ADSS1: variants seen among roughly 807,000 people sequenced by gnomAD.
ADSS1 encodes adenylosuccinate synthase 1.
A neutral mutation model predicts 59.1 loss-of-function variants in ADSS1; 57 were observed. The observed-to-expected ratio is 0.97, with a 90% CI of 0.78 to 1.20. The LOEUF is 1.20. Ranked by LOEUF, ADSS1 falls within the 50% of genes most tolerant of loss-of-function variation. The pLI is 0.00. For missense variants in ADSS1, 603 were observed against 610.3 expected, an observed-to-expected ratio of 0.99 and a Z score of 0.13; for synonymous variants, 247 against 249.4, an observed-to-expected ratio of 0.99 and a Z score of 0.09.
chr14:104,738,534 G>C, intron 3 of ADSS1, 96 bp downstream of exon 3: 1 of 1,402,804 alleles, frequency 7.1e-7, no homozygotes, highest in South Asian at 1.2e-5. Flanking sequence ...CCACGGAGGG[G>C]ACTGGCAGGG....
chr14:104,730,546 C>T (rs2140756574), intron 1 of ADSS1, among the ~76,000 whole-genome samples: 1 of 152,216 alleles, frequency 6.6e-6, no homozygotes, highest in East Asian at 1.9e-4. Context: ...TTTGGCAGCC[C>T]TGGAGACTAT....
Position 104,746,979 on chromosome 14 carries a change from AGAGTC to A in ADSS1, c.1353_1357del (p.Glu451AspfsTer10). The A allele has an allele frequency of 6.2e-7, 1 of 1,614,114 alleles. No individual in the cohort carries two copies. On this transcript the variant is annotated frameshift_variant, in exon 13 of 13. Transcript: ENST00000330877. LOFTEE classifies it high-confidence loss of function. ...AATGGGTTGGTGTTGGCAAGTCAAG[AGAGTC>A]GATGATCCAGCTGTTTTAGTCACAG... is the stretch of plus-strand genomic sequence containing the variant.
chr14:104,741,006 T>C, intron 7 of ADSS1, 86 bp downstream of exon 7: 1 of 1,606,670 alleles, frequency 6.2e-7, no homozygotes, highest in Non-Finnish European at 8.5e-7. Flanking sequence ...TGAACACCCT[T>C]GGGGCACACC....
rs563641631 is a variant in ADSS1 at position 104,746,246 on chromosome 14, G to T, written c.1182G>T (p.Glu394Asp). ...KRIPYFPANQ[E>D]MLQKVEVEYE... ...GTGTGCTTCCCCCAGCTAACCAGGA[G>T]ATGCTTCAGAAGGTCGAAGTTGAGT... Residue 394 changes from glutamate to aspartate, a missense_variant, in exon 12 of 13, where the codon GAG becomes GAT. Glu to Asp is a conservative substitution (Grantham distance 45). Transcript: ENST00000330877. 1.4e-5 allele frequency: 22 copies of T among 1,608,926 alleles called. No individual in the cohort carries two copies. The Admixed American group carries it at 2.3e-4, about 17-fold the overall frequency.
intron 5 of ADSS1, 99 bp downstream of exon 5, chr14:104,739,915 AC>A: frequency 7.8e-7 from 1 of 1,280,314 alleles, no homozygotes. Flanking sequence ...CGAGGAGGGT[AC>A]CTCAACCCAC....
At chr14:104,738,560 A>G in intron 3 of ADSS1, 122 bp downstream of exon 3, 1 of 1,093,396 alleles carries the variant, frequency 9.1e-7, no homozygotes, top group South Asian at 1.4e-5. Flanking sequence ...TTCCCAACAT[A>G]GCTGGCCCAG....
intron 1 of ADSS1, among the ~76,000 whole-genome samples, chr14:104,729,127 C>T (rs1595194315): frequency 6.6e-6 from 1 of 152,148 alleles, no homozygotes; most frequent in East Asian, 1.9e-4. Flanking sequence ...TCCTTGGGAA[C>T]CCTGGGCCAA....
chr14:104,743,539 G>C (rs1891452488), intron 10 of ADSS1: 1 of 252,404 alleles, frequency 4.0e-6, no homozygotes, highest in South Asian at 5.0e-5. Context: ...GGCAGCATGG[G>C]TGCCGGCCTG....
At chr14:104,738,264 C>T (rs1369446389) in intron 2 of ADSS1, 112 bp from the exon 3 acceptor site, 5 of 1,116,644 alleles carry the variant, frequency 4.5e-6, no homozygotes, top group Non-Finnish European at 6.6e-6. Context: ...TCCCAAAGTG[C>T]TAGGATTACA....
chr14:104,742,534 C>T (rs1891404232), intron 9 of ADSS1, among the ~76,000 whole-genome samples: 1 of 152,250 alleles, frequency 6.6e-6, no homozygotes, highest in Admixed American at 6.5e-5. Flanking sequence ...CCCAGCCTTC[C>T]TCTTTCACCC....
At chr14:104,738,537 T>A in intron 3 of ADSS1, 99 bp downstream of exon 3, 1 of 1,363,090 alleles carries the variant, frequency 7.3e-7, no homozygotes, top group Non-Finnish European at 1.0e-6. Flanking sequence ...CGGAGGGGAC[T>A]GGCAGGGGTG....
At position 104,743,084 on chromosome 14, in the gene ADSS1, G is replaced by C. The variant is rs1381256164; in HGVS notation, c.966G>C (p.Leu322=). 1 of 1,613,060 alleles carries C rather than the reference G, an allele frequency of 6.2e-7. No individual in the cohort carries two copies. Among genetic ancestry groups the C allele is most frequent in the Non-Finnish European group, 8.5e-7 (1 of 1,179,988 alleles). Residue 322 remains leucine, a synonymous_variant, in exon 10 of 13, where the codon CTG becomes CTC. Transcript: ENST00000330877. ...TEQINEIGGL[L]QTRGHEWGVT... is the part of the protein sequence containing the mutation. ...TCATGTAGGAGATTGGAGGCCTGCT[G>C]CAGACCCGCGGCCACGAGTGGGGAG...
At chr14:104,726,942 C>T (rs757014873) in intron 1 of ADSS1, among the ~76,000 whole-genome samples, 10 of 152,226 alleles carry the variant, frequency 6.6e-5, no homozygotes, top group Non-Finnish European at 1.5e-4. Context: ...CCTTCCCTGG[C>T]TGCCCAAGCC....
intron 7 of ADSS1, 28 bp from the exon 8 acceptor site, chr14:104,741,089 C>T (rs367894780): frequency 3.8e-6 from 6 of 1,589,026 alleles, no homozygotes; most frequent in Non-Finnish European, 4.3e-6. Flanking sequence ...GCCACAGGCT[C>T]ACTCTGCTGC....
intron 1 of ADSS1, among the ~76,000 whole-genome samples, chr14:104,725,698 C>T (rs1440927942): frequency 1.3e-5 from 2 of 152,200 alleles, no homozygotes; most frequent in Non-Finnish European, 2.9e-5. Context: ...ACTGCCTCTG[C>T]CCCGCCACCT....
In ADSS1 at chr14:104,735,189, G is replaced by A. The variant is rs181011783; in HGVS notation, c.295+67G>A. The stretch of plus-strand genomic sequence containing the variant: ...GTGTCAGCCAGCCCAGGAGCCCCAC[G>A]CATGGGGGCACGGGGCACCAGAGCC... On this transcript the variant is annotated intron_variant, in intron 2 of 12. Coordinates refer to ENST00000330877, the MANE Select transcript of ADSS1 (RefSeq NM_152328.5). 585 of 1,409,508 alleles carry A rather than the reference G, an allele frequency of 4.2e-4. 3 individuals are homozygous for A. The African/African-American group carries it at 7.4e-3, about 18-fold the overall frequency. 87.3% of individuals were successfully genotyped at this position (1,409,508 alleles called of 1,614,324 possible).
chr14:104,740,730 C>G lies in ADSS1; in HGVS notation c.584+22C>G, dbSNP rs375512741. 2.5e-6 allele frequency: 4 copies of G among 1,613,604 alleles called. No individual in the cohort carries two copies. The highest frequency in any genetic ancestry group is 3.4e-6 in the Non-Finnish European group (4 of 1,179,676). ...CCAGGTACCTGAGCCGTCTGCAGTC[C>G]CCGGGGAGGATGGGGAGAAGTTGCC... On this transcript the variant is annotated intron_variant, in intron 6 of 12. Transcript: ENST00000330877. This position sits in a 1 kb window ranked among gnomAD's most constrained non-coding sequence, Gnocchi z 4.8.
chr14:104,730,341 T>G (rs1021641700), intron 1 of ADSS1: 2 of 1,087,770 alleles, frequency 1.8e-6, no homozygotes, highest in Non-Finnish European at 2.5e-6. Flanking sequence ...AATACAAAAA[T>G]TATCTGGGCA....
Position 104,746,240 on chromosome 14 carries a change from C to G in ADSS1, c.1176C>G (p.Asn392Lys), listed in dbSNP as rs1337298985. ...TCTCCTGTGTGCTTCCCCCAGCTAA[C>G]CAGGAGATGCTTCAGAAGGTCGAAG... Reference protein sequence around the residue: ...NGKRIPYFPANQEMLQKVEVE... With the variant: ...NGKRIPYFPAKQEMLQKVEVE... Residue 392 changes from asparagine to lysine, a missense_variant, in exon 12 of 13, where the codon AAC becomes AAG. Coordinates refer to ENST00000330877, the MANE Select transcript of ADSS1 (RefSeq NM_152328.5). The G allele has an allele frequency of 6.2e-7, 1 of 1,607,680 alleles. No individual in the cohort carries two copies. The highest frequency in any genetic ancestry group is 1.7e-5 in the Admixed American group (1 of 59,868).
Sources: allele counts gnomAD v4.1 joint callset (sites outside exome capture counted in the v4.1 genomes callset), GRCh38; gene constraint gnomAD v4.1.1; non-coding constraint Gnocchi (gnomAD v3.1); transcripts MANE v1.5; gene names NCBI Gene and HGNC (gene_info 2026-07-23, HGNC 2026-07-21).